The following CPNE4 variants were observed in gnomAD, a reference collection of about 807,000 sequenced individuals.
The protein encoded by CPNE4 is copine-4.
Under a neutral mutation model 67.9 loss-of-function variants are expected in CPNE4, and 25 were observed. The ratio of observed to expected loss-of-function variants is 0.37; its 90% CI spans 0.27 to 0.51. The LOEUF is 0.51. Among genes scored for constraint, CPNE4 ranks in the 20% least tolerant of loss-of-function variants. The probability of loss-of-function intolerance (pLI) is 0.93; values close to 1 mark genes in which losing one functional copy is unlikely to be tolerated. For synonymous variants in CPNE4, 242 were observed against 244.9 expected (o/e 0.99, Z 0.11); for missense variants, 464 against 690.8 (o/e 0.67, Z 3.68).
At position 131,995,228 on chromosome 3, in the gene CPNE4, AT is replaced by A. The variant is rs201444965; in HGVS notation, c.-2+39338del. The stretch of plus-strand genomic sequence containing the variant: ...CTCTCACACACTCACACACCTGTTC[AT>A]TTAAGGAAGTTCCAACACATAGCTA... On this transcript the variant is annotated intron_variant, in intron 1 of 15. Transcript: ENST00000429747. 3.0e-3 allele frequency among the ~76,000 whole-genome samples: 458 copies of A among 152,222 alleles called. 4 individuals carry two copies. The highest frequency in any genetic ancestry group is 0.01 in the African/African-American group (427 of 41,532).
chr3:132,009,480 AC>A (rs1223058005), intron 1 of CPNE4, among the ~76,000 whole-genome samples: 2 of 152,210 alleles, frequency 1.3e-5, no homozygotes, highest in Non-Finnish European at 2.9e-5. Context: ...AGGGAAGAGC[AC>A]ATTGTTTTCA....
rs1935009638 is a variant in CPNE4 at position 131,534,039 on chromosome 3, G to T, written c.*1156C>A. The T allele has an allele frequency of 6.6e-6, 1 of 152,152 alleles. No individual in the cohort carries two copies. The highest frequency in any genetic ancestry group is 1.5e-5 in the Non-Finnish European group (1 of 68,030). 9.4% of individuals were successfully genotyped at this position (152,152 alleles called of 1,614,324 possible). A position where few individuals can be genotyped will look rare whatever the true frequency, so the allele number is the denominator to read the frequency against. ...AAGAAATTCCCACACTAAGCTCAAA[G>T]GTCAATTTAGTGGACCAGATATCGG... is the stretch of plus-strand genomic sequence containing the variant. On this transcript the variant is annotated 3_prime_UTR_variant, in exon 16 of 16. Transcript: ENST00000429747.
chr3:131,985,615 T>C (rs2073023117), intron 1 of CPNE4, among the ~76,000 whole-genome samples: 1 of 152,200 alleles, frequency 6.6e-6, no homozygotes, highest in South Asian at 2.1e-4. Flanking sequence ...CTGAGAATCA[T>C]AAGTTCTTTT....
chr3:131,736,661 G>T (rs2082241673), intron 2 of CPNE4, among the ~76,000 whole-genome samples: 1 of 150,326 alleles, frequency 6.7e-6, no homozygotes, highest in Non-Finnish European at 1.5e-5. Context: ...CAAGGGTTGA[G>T]AGAAAGCATG....
chr3:131,682,528 G>A (rs757899725), intron 6 of CPNE4, among the ~76,000 whole-genome samples: 1 of 152,134 alleles, frequency 6.6e-6, no homozygotes, highest in Non-Finnish European at 1.5e-5. Flanking sequence ...TGGAGTTAAA[G>A]GTGGGGTGAC....
intron 1 of CPNE4, among the ~76,000 whole-genome samples, chr3:132,015,144 T>C (rs2073860845): frequency 6.6e-6 from 1 of 152,304 alleles, no homozygotes; most frequent in Middle Eastern, 3.4e-3. Context: ...CTGATCCTGG[T>C]TTATCTTTAA....
chr3:131,692,794 T>C (rs1019137687), intron 5 of CPNE4, among the ~76,000 whole-genome samples: 4 of 152,190 alleles, frequency 2.6e-5, no homozygotes, highest in African/African-American at 7.2e-5. Context: ...CAGTCTATAA[T>C]GATTACTATT....
chr3:132,027,715 A>G (rs774945218), intron 1 of CPNE4, among the ~76,000 whole-genome samples: 15 of 133,708 alleles, frequency 1.1e-4, no homozygotes, highest in Admixed American at 2.2e-4. Context: ...ACTGAAATTT[A>G]TATCTCTGAG....
chr3:131,724,989 A>G (rs1010488753), intron 2 of CPNE4, among the ~76,000 whole-genome samples: 1 of 152,200 alleles, frequency 6.6e-6, no homozygotes, highest in Non-Finnish European at 1.5e-5. Context: ...TGTACTAGAG[A>G]TACCCATCCT....
At chr3:131,848,164 CT>C (rs1299532064) in intron 2 of CPNE4, among the ~76,000 whole-genome samples, 2 of 152,132 alleles carry the variant, frequency 1.3e-5, no homozygotes, top group African/African-American at 4.8e-5. Flanking sequence ...TCCTTTTAGC[CT>C]TCAAGACAAT....
intron 1 of CPNE4, among the ~76,000 whole-genome samples, chr3:131,981,411 T>A (rs550494625): frequency 1.1e-3 from 164 of 151,726 alleles, no homozygotes; most frequent in African/African-American, 3.6e-3. Flanking sequence ...GTCACTGGAG[T>A]TGTGTATGTA....
At chr3:131,896,868 TA>T (rs1460289667) in intron 2 of CPNE4, among the ~76,000 whole-genome samples, 2 of 152,108 alleles carry the variant, frequency 1.3e-5, no homozygotes, top group Non-Finnish European at 2.9e-5. Context: ...AATTTTTCTC[TA>T]CAAAATGCTC....
chr3:131,951,650 T>G (rs1230253298), intron 1 of CPNE4, among the ~76,000 whole-genome samples: 1 of 152,220 alleles, frequency 6.6e-6, no homozygotes, highest in East Asian at 1.9e-4. Flanking sequence ...CTCGGCTCAC[T>G]GCAACCTCCC....
At chr3:131,728,988 T>C (rs1008618911) in intron 2 of CPNE4, among the ~76,000 whole-genome samples, 12 of 151,344 alleles carry the variant, frequency 7.9e-5, no homozygotes, top group African/African-American at 2.9e-4. Context: ...ACAATGGCCA[T>C]CTATTCTCTG....
At chr3:131,700,005 A>T in intron 3 of CPNE4, 25 bp from the exon 4 acceptor site, 2 of 1,585,100 alleles carry the variant, frequency 1.3e-6, no homozygotes, top group Non-Finnish European at 1.7e-6. Context: ...ACAAAAGGTA[A>T]CAAAAGGTAG....
intron 10 of CPNE4, among the ~76,000 whole-genome samples, chr3:131,570,030 C>T (rs916073378): frequency 6.7e-6 from 1 of 150,020 alleles, no homozygotes; most frequent in African/African-American, 2.5e-5. Context: ...TTTTGTAACA[C>T]TATGTCATAA....
At chr3:131,658,440 A>G (rs781661088) in intron 7 of CPNE4, among the ~76,000 whole-genome samples, 30 of 152,234 alleles carry the variant, frequency 2.0e-4, no homozygotes, top group South Asian at 1.2e-3. Flanking sequence ...GAAGTGTCCA[A>G]AAGTATTTAT....
chr3:132,008,314 T>C (rs2073659974), intron 1 of CPNE4, among the ~76,000 whole-genome samples: 1 of 152,182 alleles, frequency 6.6e-6, no homozygotes. Context: ...TTGGTATCTG[T>C]TTTATTTAAG....
At chr3:131,791,737 T>C (rs2083728509) in intron 2 of CPNE4, among the ~76,000 whole-genome samples, 1 of 152,170 alleles carries the variant, frequency 6.6e-6, no homozygotes, top group Non-Finnish European at 1.5e-5. Flanking sequence ...GTTTCCCGAT[T>C]TGAAGTCTGT....
Sources: allele counts gnomAD v4.1 joint callset (sites outside exome capture counted in the v4.1 genomes callset), GRCh38; gene constraint gnomAD v4.1.1; transcripts MANE v1.5; gene names NCBI Gene and HGNC (gene_info 2026-07-23, HGNC 2026-07-21).